The following PCDH11X variants were observed in gnomAD, a reference collection of about 807,000 sequenced individuals.
PCDH11X encodes the protein protocadherin 11 X-linked, also known as protocadherin-11 X-linked.
PCDH11X carries 18 observed loss-of-function variants against 53.3 expected under a neutral mutation model. The ratio of observed to expected loss-of-function variants is 0.34; its 90% CI spans 0.23 to 0.50. The LOEUF (loss-of-function observed/expected upper bound fraction) is 0.50, where lower values mean the gene tolerates loss of function less well. PCDH11X is among the 20% of genes least tolerant of loss of function. The pLI, the probability that PCDH11X is intolerant of heterozygous loss-of-function variation, is 0.98. For synonymous variants in PCDH11X, 279 were observed against 393.3 expected, an observed-to-expected ratio of 0.71 and a Z score of 3.44; for missense variants, 570 against 1,032.4, an observed-to-expected ratio of 0.55 and a Z score of 6.14.
At chrX:92,172,377 G>C (rs1397834000) in intron 6 of PCDH11X, among the ~76,000 whole-genome samples, 1 of 109,381 alleles carries the variant, frequency 9.1e-6, no homozygotes, top group Non-Finnish European at 1.9e-5. Flanking sequence ...TTTTGTTTTT[G>C]ATTGTCTGTT....
At chrX:92,339,110 A>G (rs2069689611) in intron 8 of PCDH11X, among the ~76,000 whole-genome samples, 1 of 111,841 alleles carries the variant, frequency 8.9e-6, no homozygotes, top group Middle Eastern at 4.6e-3. Context: ...CCAGAAATAA[A>G]ACCACACACA....
intron 6 of PCDH11X, among the ~76,000 whole-genome samples, chrX:91,910,745 C>T: frequency 9.0e-6 from 1 of 111,540 alleles, no homozygotes; most frequent in Non-Finnish European, 1.9e-5. Context: ...TGGTAAAGTT[C>T]AGCAGTATCA....
chrX:92,006,755 G>A (rs1039602530), intron 6 of PCDH11X, among the ~76,000 whole-genome samples: 23 of 110,632 alleles, frequency 2.1e-4, no homozygotes, highest in African/African-American at 7.6e-4. Context: ...TTCTTTGGAA[G>A]GCTTTCCAGA....
chrX:92,094,133 ATGTG>A (rs58997781), intron 6 of PCDH11X, among the ~76,000 whole-genome samples: 1,858 of 94,193 alleles, frequency 0.02, 19 homozygotes, highest in Non-Finnish European at 0.026. Flanking sequence ...AAAAAGTAAT[ATGTG>A]TGTGTGTGTG....
intron 9 of PCDH11X, among the ~76,000 whole-genome samples, chrX:92,453,122 C>A (rs190173120): frequency 4.7e-5 from 5 of 105,342 alleles, no homozygotes; most frequent in African/African-American, 1.8e-4. Context: ...GGTAATGACA[C>A]AATCTATGCA....
chrX:91,928,193 T>C (rs916014613), intron 6 of PCDH11X, among the ~76,000 whole-genome samples: 25 of 107,794 alleles, frequency 2.3e-4, no homozygotes, highest in Non-Finnish European at 4.6e-4. Context: ...TCTCACTATG[T>C]ATATAAAAAA....
intron 10 of PCDH11X, among the ~76,000 whole-genome samples, chrX:92,586,802 C>T (rs2750606): frequency 9.0e-6 from 1 of 111,629 alleles, no homozygotes; most frequent in African/African-American, 3.3e-5. Flanking sequence ...CAATACAGAA[C>T]TTAGTCACAG....
intron 6 of PCDH11X, among the ~76,000 whole-genome samples, chrX:91,931,386 C>T (rs1044955241): frequency 6.3e-5 from 7 of 110,527 alleles, no homozygotes; most frequent in African/African-American, 2.3e-4. Context: ...TTGGTATTAA[C>T]CTATGAGTGA....
intron 8 of PCDH11X, among the ~76,000 whole-genome samples, chrX:92,360,298 T>G (rs2070314049): frequency 9.0e-6 from 1 of 111,380 alleles, no homozygotes; most frequent in East Asian, 2.8e-4. Flanking sequence ...CTTGCTTTTC[T>G]GATGTTACTG....
chrX:92,621,874 C>T lies in PCDH11X; in HGVS notation c.*2934C>T, dbSNP rs1460199432. 9.0e-6 allele frequency: 1 copy of T among 110,597 alleles called. No individual in the cohort carries two copies. Among genetic ancestry groups the T allele is most frequent in the Non-Finnish European group, 1.9e-5 (1 of 52,999 alleles). The allele number at this position is 110,597 out of a possible 1,213,427, so 9.1% of individuals were successfully genotyped here. On this transcript the variant is annotated 3_prime_UTR_variant, in exon 11 of 11. Transcript: ENST00000682573. ...CTTATATGAGAATAATACGTTCAAT[C>T]AAAGTAGTTATTCTATTTTGTGTCC...
chrX:92,081,148 C>G (rs2063849872), intron 6 of PCDH11X, among the ~76,000 whole-genome samples: 2 of 111,397 alleles, frequency 1.8e-5, no homozygotes, highest in African/African-American at 6.5e-5. Context: ...ATATTTCAAG[C>G]TCCAGAGAGA....
intron 4 of PCDH11X, among the ~76,000 whole-genome samples, chrX:91,831,455 G>GTT (rs1436845108): frequency 9.4e-6 from 1 of 106,182 alleles, no homozygotes; most frequent in Non-Finnish European, 1.9e-5. Flanking sequence ...ATTAAGATAC[G>GTT]TATGTAGGCA....
chrX:92,416,502 C>T (rs182323113), intron 9 of PCDH11X, among the ~76,000 whole-genome samples: 230 of 108,227 alleles, frequency 2.1e-3, no homozygotes, highest in African/African-American at 7.6e-3. Context: ...TTCTACATAT[C>T]CAATTCAAAA....
intron 10 of PCDH11X, among the ~76,000 whole-genome samples, chrX:92,601,796 G>A (rs1263281698): frequency 9.1e-6 from 1 of 110,000 alleles, no homozygotes; most frequent in Non-Finnish European, 1.9e-5. Context: ...TGTGACAAAA[G>A]CTTCATCCCT....
intron 6 of PCDH11X, among the ~76,000 whole-genome samples, chrX:92,124,526 C>T (rs1215020287): frequency 1.0e-5 from 1 of 100,205 alleles, no homozygotes; most frequent in African/African-American, 3.8e-5. Context: ...GCCTGGGCAA[C>T]AAGAGCAAAA....
intron 6 of PCDH11X, among the ~76,000 whole-genome samples, chrX:91,955,999 A>C (rs191197356): frequency 0.039 from 4,240 of 109,650 alleles, 247 homozygotes; most frequent in African/African-American, 0.13. Flanking sequence ...AACTTTTACC[A>C]TTATGTAATG....
chrX:92,439,610 TTAAA>T (rs776468033), intron 9 of PCDH11X, among the ~76,000 whole-genome samples: 3 of 110,407 alleles, frequency 2.7e-5, no homozygotes, highest in Admixed American at 9.8e-5. Context: ...CATAAACTAT[TTAAA>T]TAATCACTGC....
intron 6 of PCDH11X, among the ~76,000 whole-genome samples, chrX:92,150,888 A>C (rs1411388495): frequency 1.2e-4 from 13 of 110,307 alleles, no homozygotes; most frequent in Non-Finnish European, 7.6e-5. Context: ...AATCTCACTA[A>C]ATTTATTTAT....
At chrX:92,537,611 T>C (rs1379124621) in intron 10 of PCDH11X, among the ~76,000 whole-genome samples, 3 of 99,438 alleles carry the variant, frequency 3.0e-5, no homozygotes, top group African/African-American at 1.1e-4. Context: ...CTTGAAATTA[T>C]ACCACAGAGA....
Sources: gnomAD v4.1 joint callset for allele counts (sites outside exome capture counted in the v4.1 genomes callset) on GRCh38, gnomAD v4.1.1 for gene constraint, MANE v1.5 for transcripts, NCBI Gene and HGNC (gene_info 2026-07-23, HGNC 2026-07-21) for gene names.